ABCD3: variants seen among roughly 807,000 people sequenced by gnomAD.
ABCD3 encodes the protein ATP binding cassette subfamily D member 3, also known as ATP-binding cassette sub-family D member 3.
In ABCD3, 41 loss-of-function variants were observed where a neutral mutation model predicts 105.5. The observed-to-expected ratio is 0.39, with a 90% CI of 0.30 to 0.50. ABCD3 has a LOEUF of 0.50. Among genes scored for constraint, ABCD3 ranks in the 20% least tolerant of loss-of-function variants. The pLI, the probability that ABCD3 is intolerant of heterozygous loss-of-function variation, is 0.84. For missense variants in ABCD3, 622 were observed against 806.3 expected, an observed-to-expected ratio of 0.77 and a Z score of 2.77; for synonymous variants, 258 against 269.0, an observed-to-expected ratio of 0.96 and a Z score of 0.40.
rs774071471 is a variant in ABCD3, at chr1:94,464,867, T to A, written c.240T>A (p.Cys80Ter). 17 of 1,612,340 alleles carry A rather than the reference T, an allele frequency of 1.1e-5. No homozygotes were observed. The change falls in exon 3 of 23, where the codon TGT becomes TGA. Residue 80 changes from cysteine to a stop codon, truncating the protein, a stop_gained. Coordinates refer to ENST00000370214, the MANE Select transcript of ABCD3 (RefSeq NM_002858.4). LOFTEE classifies it high-confidence loss of function. Reference protein sequence around the residue: ...ILKIMVPRTFCKETGYLVLIA... With the variant: ...ILKIMVPRTF Reference sequence around the variant, plus strand: ...AAATCATGGTCCCTAGAACATTTTGTAAAGAGGTAAGTCTTATGAAATTAT... The same window carrying A: ...AAATCATGGTCCCTAGAACATTTTGAAAAGAGGTAAGTCTTATGAAATTAT...
At position 94,487,627 on chromosome 1, in the gene ABCD3, AAG is replaced by A; in HGVS notation, c.967+20_967+21del. On this transcript the variant is annotated intron_variant, in intron 11 of 22. Transcript: ENST00000370214. ...ATTGCCAAATGTAAGTATATTTTGA[AAG>A]AGATGAGATTTGTGGAAAAGGTGAA... 6.2e-7 allele frequency: 1 copy of A among 1,613,278 alleles called. No individual in the cohort carries two copies. The highest frequency in any genetic ancestry group is 8.5e-7 in the Non-Finnish European group (1 of 1,179,284).
At chr1:94,492,357 CT>C (rs1649575042) in intron 16 of ABCD3, among the ~76,000 whole-genome samples, 1 of 152,168 alleles carries the variant, frequency 6.6e-6, no homozygotes, top group Non-Finnish European at 1.5e-5. Flanking sequence ...CTTCAGTTTT[CT>C]GCTCTTAGTA....
rs183286054 is a variant in ABCD3 at position 94,513,059 on chromosome 1, C to T, written c.1846-2087C>T. Among the ~76,000 whole-genome samples, 525 of 152,060 alleles carry T rather than the reference C, an allele frequency of 3.5e-3. 1 individual carries two copies. Among genetic ancestry groups the T allele is most frequent in the Admixed American group, 6.2e-3 (94 of 15,234 alleles). ...CCAAAATTCTAAGATGATTCAAATG[C>T]GCATTAAAGTTTGAGAAGCACTGGC... On this transcript the variant is annotated intron_variant, in intron 21 of 22. Transcript: ENST00000370214.
intron 1 of ABCD3, among the ~76,000 whole-genome samples, chr1:94,432,226 A>G (rs1245454504): frequency 6.6e-6 from 1 of 152,218 alleles, no homozygotes; most frequent in Non-Finnish European, 1.5e-5. Flanking sequence ...TGGCACTATT[A>G]CTACAAATGC....
intron 1 of ABCD3, among the ~76,000 whole-genome samples, chr1:94,438,876 G>A (rs1482738893): frequency 6.6e-6 from 1 of 152,132 alleles, no homozygotes; most frequent in Non-Finnish European, 1.5e-5. Context: ...AAATGTTCAC[G>A]TGACCCACTT....
At chr1:94,507,646 G>A (rs1434672008) in intron 21 of ABCD3, among the ~76,000 whole-genome samples, 1 of 152,100 alleles carries the variant, frequency 6.6e-6, no homozygotes, top group African/African-American at 2.4e-5. Flanking sequence ...ATCTTCTCCA[G>A]CACCTGTTGT....
At chr1:94,482,229 A>G (rs377073092) in intron 9 of ABCD3, 37 of 152,310 alleles carry the variant, frequency 2.4e-4, no homozygotes, top group African/African-American at 8.9e-4. Context: ...AATGTGTCAT[A>G]TCTTATGGGA....
chr1:94,467,899 C>T lies in ABCD3; in HGVS notation c.247-20C>T. Reference sequence around the variant, plus strand: ...TTCTAAAATGCATGTATTTAATTTACTATACCTGGTTTATTTTAGACAGGT... The same window carrying T: ...TTCTAAAATGCATGTATTTAATTTATTATACCTGGTTTATTTTAGACAGGT... On this transcript the variant is annotated intron_variant, in intron 3 of 22. Transcript: ENST00000370214. 1 of 1,555,258 alleles carries T rather than the reference C, an allele frequency of 6.4e-7. No individual in the cohort carries two copies. The highest frequency in any genetic ancestry group is 8.9e-7 in the Non-Finnish European group (1 of 1,127,658).
intron 1 of ABCD3, among the ~76,000 whole-genome samples, chr1:94,426,004 T>A (rs1389364257): frequency 6.6e-6 from 1 of 152,190 alleles, no homozygotes; most frequent in Non-Finnish European, 1.5e-5. Flanking sequence ...AAGTGAGGAT[T>A]AATGGAGAAA....
intron 21 of ABCD3, among the ~76,000 whole-genome samples, chr1:94,510,452 A>G (rs1338965722): frequency 6.6e-6 from 1 of 152,184 alleles, no homozygotes; most frequent in African/African-American, 2.4e-5. Flanking sequence ...GGTGCTGAAA[A>G]AAATGTGTAT....
At chr1:94,402,776 T>C in the ABCD3 span, among the ~76,000 whole-genome samples, 5 of 152,218 alleles carry the variant, frequency 3.3e-5, no homozygotes, top group African/African-American at 1.2e-4. Context: ...TTGATTGTTA[T>C]TATGAATATA....
intron 4 of ABCD3, among the ~76,000 whole-genome samples, chr1:94,473,160 C>T (rs139566629): frequency 4.6e-5 from 7 of 152,164 alleles, no homozygotes; most frequent in African/African-American, 1.7e-4. Flanking sequence ...AAACTAGGAC[C>T]CACAGGTCAA....
At chr1:94,480,399 G>T (rs1026046527) in intron 8 of ABCD3, 65 bp from the exon 9 acceptor site, 1 of 1,584,912 alleles carries the variant, frequency 6.3e-7, no homozygotes, top group African/African-American at 1.3e-5. Context: ...GTACATGTTT[G>T]TATCTAAGTG....
intron 1 of ABCD3, among the ~76,000 whole-genome samples, chr1:94,429,379 G>T (rs1239153496): frequency 6.6e-6 from 1 of 152,208 alleles, no homozygotes; most frequent in Admixed American, 6.5e-5. Context: ...GTAACAAGGA[G>T]CCAAAAGTTA....
At chr1:94,455,930 A>G in intron 1 of ABCD3, 1 of 907,006 alleles carries the variant, frequency 1.1e-6, no homozygotes, top group Non-Finnish European at 1.4e-6. Context: ...TTTTTATTGA[A>G]TACTAATTTT....
At chr1:94,436,423 T>C (rs1186120497) in intron 1 of ABCD3, among the ~76,000 whole-genome samples, 4 of 152,218 alleles carry the variant, frequency 2.6e-5, no homozygotes, top group Non-Finnish European at 5.9e-5. Context: ...ACTATTAATA[T>C]GATTACTGAA....
chr1:94,406,474 G>C, the ABCD3 span: 1 of 427,416 alleles, frequency 2.3e-6, no homozygotes, highest in Admixed American at 2.6e-5. Context: ...GCTTCTCTGG[G>C]TGGAACAGGC....
At chr1:94,386,186 G>T in the ABCD3 span, among the ~76,000 whole-genome samples, 18 of 152,248 alleles carry the variant, frequency 1.2e-4, no homozygotes, top group South Asian at 3.1e-3. Context: ...CCTTTCTCTG[G>T]GCCATGGATG....
At chr1:94,414,223 T>C (rs1394840600), upstream of ABCD3, among the ~76,000 whole-genome samples, 1 of 152,162 alleles carries the variant, frequency 6.6e-6, no homozygotes, top group Admixed American at 6.5e-5. Flanking sequence ...AGGAATTTGT[T>C]TGCATCTCAT....
Sources: allele counts gnomAD v4.1 joint callset (sites outside exome capture counted in the v4.1 genomes callset), GRCh38; gene constraint gnomAD v4.1.1; transcripts MANE v1.5; gene names NCBI Gene and HGNC (gene_info 2026-07-23, HGNC 2026-07-21).